The following TSHR variants were observed in gnomAD, a reference collection of about 807,000 sequenced individuals.
The protein encoded by TSHR is thyrotropin receptor.
A neutral mutation model predicts 64.1 loss-of-function variants in TSHR; 51 were observed. The ratio of observed to expected loss-of-function variants is 0.80; its 90% confidence interval spans 0.64 to 1.01. TSHR has a LOEUF of 1.01. Ranked by LOEUF, TSHR falls within the 50% of genes least tolerant of loss-of-function variation. The pLI, the probability that TSHR is intolerant of heterozygous loss-of-function variation, is 0.00. For synonymous variants in TSHR, 361 were observed against 361.9 expected, an observed-to-expected ratio of 1.00 and a Z score of 0.03; for missense variants, 877 against 942.8, an observed-to-expected ratio of 0.93 and a Z score of 0.91.
intron 1 of TSHR, among the ~76,000 whole-genome samples, chr14:80,963,819 G>A (rs74359147): frequency 0.023 from 3,558 of 152,278 alleles, 53 homozygotes; most frequent in Middle Eastern, 0.058. Flanking sequence ...GGAAAAAGTC[G>A]GAGAGACCTT....
intron 1 of TSHR, among the ~76,000 whole-genome samples, chr14:81,056,032 G>T (rs1016382524): frequency 6.6e-6 from 1 of 152,130 alleles, no homozygotes; most frequent in Admixed American, 6.6e-5. Context: ...TGTTGTGGGA[G>T]GGACTCAGTG....
chr14:80,965,470 G>T (rs1225945154), intron 1 of TSHR, among the ~76,000 whole-genome samples: 3 of 152,140 alleles, frequency 2.0e-5, no homozygotes, highest in African/African-American at 7.2e-5. Context: ...TCACACAGAA[G>T]TTCACTGAAT....
At chr14:81,129,894 T>G (rs1160119661) in intron 8 of TSHR, among the ~76,000 whole-genome samples, 1 of 152,224 alleles carries the variant, frequency 6.6e-6, no homozygotes, top group East Asian at 1.9e-4. Flanking sequence ...CCTAATCATC[T>G]GTATTCCCCT....
chr14:81,012,177 G>T (rs909482146), intron 1 of TSHR: 1 of 151,142 alleles, frequency 6.6e-6, no homozygotes, highest in African/African-American at 2.4e-5. Context: ...ACCTATGAGT[G>T]AGAATATGCG....
At chr14:81,034,587 T>G (rs887696544) in intron 1 of TSHR, among the ~76,000 whole-genome samples, 2 of 152,250 alleles carry the variant, frequency 1.3e-5, no homozygotes, top group African/African-American at 4.8e-5. Context: ...CCCTTTTGTA[T>G]GAAGTTTAAC....
chr14:80,977,597 A>C (rs1331561898), intron 1 of TSHR, among the ~76,000 whole-genome samples: 1 of 152,176 alleles, frequency 6.6e-6, no homozygotes, highest in African/African-American at 2.4e-5. Flanking sequence ...TCTTCTATGA[A>C]GGCTTGCCAC....
At chr14:80,984,971 C>T (rs1888364017) in intron 1 of TSHR, among the ~76,000 whole-genome samples, 1 of 152,178 alleles carries the variant, frequency 6.6e-6, no homozygotes, top group South Asian at 2.1e-4. Flanking sequence ...TTGCTTTTGG[C>T]CGGGCGCGGT....
chr14:81,055,587 T>C (rs1376215872), intron 1 of TSHR, among the ~76,000 whole-genome samples: 1 of 152,122 alleles, frequency 6.6e-6, no homozygotes, highest in Non-Finnish European at 1.5e-5. Context: ...TCCAACACCA[T>C]GGGAACTCAA....
At chr14:80,995,270 T>A (rs1888950042) in intron 1 of TSHR, 1 of 152,146 alleles carries the variant, frequency 6.6e-6, no homozygotes, top group Non-Finnish European at 1.5e-5. Flanking sequence ...GAAGACAACG[T>A]GGTGATTCCT....
chr14:81,103,218 G>A lies in TSHR; in HGVS notation c.615-5157G>A. 2 of 985,358 alleles carry A rather than the reference G, an allele frequency of 2.0e-6. No individual in the cohort carries two copies. Among genetic ancestry groups the A allele is most frequent in the Non-Finnish European group, 2.4e-6 (2 of 829,900 alleles). 61.0% of individuals were successfully genotyped at this position (985,358 alleles called of 1,614,324 possible). ...GTATTCACATTGTGTTTTTAACATAGGGATGTTGCTTTTGGTGTCAATGCT... is the reference window on the plus strand; with the variant it reads ...GTATTCACATTGTGTTTTTAACATAAGGATGTTGCTTTTGGTGTCAATGCT... On this transcript the variant is annotated intron_variant, in intron 7 of 9. Transcript: ENST00000298171. The surrounding 1 kb of genome is among the most constrained non-coding windows in gnomAD (Gnocchi z 4.1).
intron 1 of TSHR, among the ~76,000 whole-genome samples, chr14:80,989,718 T>C (rs1888632012): frequency 6.6e-6 from 1 of 152,162 alleles, no homozygotes; most frequent in African/African-American, 2.4e-5. Flanking sequence ...TCTATTCGAC[T>C]AAATTTATAA....
chr14:81,072,537 AC>A (rs1887150121), intron 3 of TSHR, among the ~76,000 whole-genome samples: 1 of 152,182 alleles, frequency 6.6e-6, no homozygotes, highest in African/African-American at 2.4e-5. Context: ...ATTAATTAAT[AC>A]AAAAAAGCGA....
chr14:81,135,129 A>G (rs928978726), intron 8 of TSHR, among the ~76,000 whole-genome samples: 1 of 152,232 alleles, frequency 6.6e-6, no homozygotes, highest in Non-Finnish European at 1.5e-5. Flanking sequence ...GTAGAAAAAA[A>G]TAAGGTCATT....
At position 81,144,185 on chromosome 14, in the gene TSHR, G is replaced by A; in HGVS notation, c.2127G>A (p.Gln709=). ...GCCAGGCTCAGGCATACCGGGGGCA[G>A]AGGGTTCCTCCAAAGAACAGCACTG... ...CKRQAQAYRG[Q]RVPPKNSTDI... Residue 709 remains glutamine (Q), a synonymous_variant, in exon 10 of 10, where the codon CAG becomes CAA. Coordinates refer to ENST00000298171, the MANE Select transcript of TSHR (RefSeq NM_000369.5). 6.2e-7 allele frequency: 1 copy of A among 1,613,956 alleles called. No individual in the cohort carries two copies. The highest frequency in any genetic ancestry group is 1.1e-5 in the South Asian group (1 of 91,070).
rs145060082 is a variant in TSHR, at chr14:80,961,358, C to T, written c.170+5508C>T. On this transcript the variant is annotated intron_variant, in intron 1 of 9. Transcript: ENST00000298171. ...ACAGAGTTATAATTGTATAAGTGTG[C>T]TTGAGTATGCTCTTTGTAGGGGTGA... Among the ~76,000 whole-genome samples the T allele has an allele frequency of 5.5e-3, 836 of 152,286 alleles. 5 individuals carry two copies. Among genetic ancestry groups the T allele is most frequent in the African/African-American group, 0.019 (773 of 41,558 alleles).
intron 3 of TSHR, among the ~76,000 whole-genome samples, chr14:81,086,445 CACA>C (rs1449279185): frequency 2.6e-5 from 4 of 152,122 alleles, no homozygotes; most frequent in Non-Finnish European, 4.4e-5. Flanking sequence ...GCAAGAATGT[CACA>C]ACATCTCCAG....
chr14:81,122,020 C>CTTTTTTTTTTTTTTTTTTTGTTT (rs1890817120), intron 8 of TSHR, among the ~76,000 whole-genome samples: 1 of 44,880 alleles, frequency 2.2e-5, no homozygotes, highest in African/African-American at 8.3e-5. Flanking sequence ...TTTTCTTTTC[C>CTTTTTTTTTTTTTTTTTTTGTTT]TTTTTTTTTT....
intron 8 of TSHR, among the ~76,000 whole-genome samples, chr14:81,110,251 A>C (rs1431428609): frequency 1.3e-5 from 2 of 152,226 alleles, no homozygotes; most frequent in Non-Finnish European, 2.9e-5. Flanking sequence ...GCATCTTAGT[A>C]TGTGACTGTA....
intron 1 of TSHR, among the ~76,000 whole-genome samples, chr14:81,014,591 G>A (rs1219996653): frequency 6.6e-6 from 1 of 152,140 alleles, no homozygotes; most frequent in Non-Finnish European, 1.5e-5. Context: ...GCACTGTATG[G>A]TCAATGCTAC....
Sources: gnomAD v4.1 joint callset for allele counts (sites outside exome capture counted in the v4.1 genomes callset) on GRCh38, gnomAD v4.1.1 for gene constraint, Gnocchi (gnomAD v3.1) non-coding constraint, MANE v1.5 for transcripts, NCBI Gene and HGNC (gene_info 2026-07-23, HGNC 2026-07-21) for gene names.